HPF1: variants seen among roughly 807,000 people sequenced by gnomAD.
HPF1 encodes the protein UPF0609 protein C4orf27.
Under a neutral mutation model 38.8 loss-of-function variants are expected in HPF1, and 35 were observed. That is an observed-to-expected ratio of 0.90 (90% CI 0.69 to 1.19). The LOEUF (loss-of-function observed/expected upper bound fraction) is 1.19, where lower values mean the gene tolerates loss of function less well. Among genes scored for constraint, HPF1 ranks in the 50% most tolerant of loss-of-function variants. The probability of loss-of-function intolerance (pLI) is 0.00; values close to 1 mark genes in which losing one functional copy is unlikely to be tolerated. For missense variants in HPF1, 367 were observed against 405.8 expected, an observed-to-expected ratio of 0.90 and a Z score of 0.82; for synonymous variants, 115 against 139.2, an observed-to-expected ratio of 0.83 and a Z score of 1.22.
intron 5 of HPF1, among the ~76,000 whole-genome samples, chr4:169,738,699 G>C (rs1733928168): frequency 6.6e-6 from 1 of 152,144 alleles, no homozygotes; most frequent in South Asian, 2.1e-4. Context: ...AAAAAATGAA[G>C]TCATTGTCTT....
chr4:169,753,651 C>A lies in HPF1; in HGVS notation c.208+25G>T. The A allele has an allele frequency of 1.9e-6, 3 of 1,596,468 alleles. No individual in the cohort carries two copies. In the African/African-American group the frequency reaches 4.0e-5, roughly 21 times the overall value. ...TATTACATTACTCTTTCCATTAATA[C>A]AAGAATGATTCTGGAGCAACTCACC... On this transcript the variant is annotated intron_variant, in intron 2 of 7. Transcript: ENST00000393381.
intron 1 of HPF1, among the ~76,000 whole-genome samples, chr4:169,754,552 T>G (rs1441453325): frequency 6.6e-6 from 1 of 152,188 alleles, no homozygotes; most frequent in Non-Finnish European, 1.5e-5. Flanking sequence ...CTACTAGATA[T>G]TTGATAAATT....
At chr4:169,741,861 A>T (rs1733973428) in intron 5 of HPF1, 96 bp downstream of exon 5, 1 of 985,866 alleles carries the variant, frequency 1.0e-6, no homozygotes, top group South Asian at 1.6e-5. Context: ...TTAAGATAGG[A>T]CTAGGGAAGA....
chr4:169,744,904 A>C (rs1241759791), intron 4 of HPF1, among the ~76,000 whole-genome samples: 1 of 152,168 alleles, frequency 6.6e-6, no homozygotes, highest in East Asian at 1.9e-4. Context: ...AATGTCATCT[A>C]AAATGCTACA....
intron 6 of HPF1, among the ~76,000 whole-genome samples, chr4:169,735,134 A>T (rs927855227): frequency 2.0e-5 from 3 of 147,598 alleles, no homozygotes; most frequent in Admixed American, 2.0e-4. Flanking sequence ...TCTCAAAAAA[A>T]AAAAAAAAGA....
chr4:169,741,169 A>C (rs1408952616), intron 5 of HPF1, among the ~76,000 whole-genome samples: 1 of 152,222 alleles, frequency 6.6e-6, no homozygotes, highest in Non-Finnish European at 1.5e-5. Context: ...AAGGAACTGA[A>C]GTAGGATTTA....
At chr4:169,751,444 C>G (rs1223603342) in intron 2 of HPF1, among the ~76,000 whole-genome samples, 1 of 151,860 alleles carries the variant, frequency 6.6e-6, no homozygotes, top group Non-Finnish European at 1.5e-5. Context: ...TTTCTATCCC[C>G]TTTCCTCTAC....
chr4:169,734,692 G>A (rs1733871199), intron 6 of HPF1, among the ~76,000 whole-genome samples: 1 of 152,186 alleles, frequency 6.6e-6, no homozygotes, highest in Non-Finnish European at 1.5e-5. Flanking sequence ...TAATGAGTTA[G>A]GAGTTTCACT....
intron 3 of HPF1, among the ~76,000 whole-genome samples, chr4:169,749,078 C>T (rs1581321742): frequency 3.3e-5 from 5 of 150,984 alleles, no homozygotes; most frequent in Admixed American, 6.6e-5. Context: ...AAAGCAACAA[C>T]GTAGATGTAA....
chr4:169,751,290 C>A (rs1289531481), intron 2 of HPF1, among the ~76,000 whole-genome samples: 2 of 150,362 alleles, frequency 1.3e-5, no homozygotes, highest in East Asian at 3.9e-4. Flanking sequence ...GTAATCCCAG[C>A]TATTGGAGAG....
intron 4 of HPF1, among the ~76,000 whole-genome samples, chr4:169,743,131 T>A (rs1267935629): frequency 6.6e-6 from 1 of 151,160 alleles, no homozygotes; most frequent in African/African-American, 2.4e-5. Flanking sequence ...TTTTCCGAGA[T>A]GTTGTTTCAT....
At chr4:169,745,660 T>C (rs1190969469) in intron 4 of HPF1, among the ~76,000 whole-genome samples, 3 of 152,214 alleles carry the variant, frequency 2.0e-5, no homozygotes, top group Non-Finnish European at 2.9e-5. Flanking sequence ...ATCTAATACA[T>C]GTATACTCCA....
chr4:169,753,884 C>T lies in HPF1; in HGVS notation c.49-49G>A, dbSNP rs757667070. 3.5e-6 allele frequency: 5 copies of T among 1,447,908 alleles called. No homozygotes were observed. In the East Asian group the frequency reaches 6.8e-5, roughly 20 times the overall value. 89.7% of individuals were successfully genotyped at this position (1,447,908 alleles called of 1,614,324 possible). A position where few individuals can be genotyped will look rare whatever the true frequency, so the allele number is the denominator to read the frequency against. On this transcript the variant is annotated intron_variant, in intron 1 of 7. Transcript: ENST00000393381. ...AGTTCTCCAAATTTCAGTAACTCTC[C>T]TTGCATAACAGTATCTATCACTCTT...
At chr4:169,744,398 G>A (rs1191396056) in intron 4 of HPF1, among the ~76,000 whole-genome samples, 12 of 152,082 alleles carry the variant, frequency 7.9e-5, no homozygotes, top group East Asian at 1.9e-4. Flanking sequence ...TGTCTCTGCC[G>A]AAACCTACTC....
intron 1 of HPF1, among the ~76,000 whole-genome samples, chr4:169,756,399 C>G (rs1391733532): frequency 6.6e-6 from 1 of 152,206 alleles, no homozygotes; most frequent in Non-Finnish European, 1.5e-5. Flanking sequence ...AAGTCCTGAG[C>G]TATCCTATCT....
intron 4 of HPF1, among the ~76,000 whole-genome samples, chr4:169,745,387 TC>T (rs761680903): frequency 1.2e-4 from 18 of 152,112 alleles, no homozygotes; most frequent in South Asian, 2.1e-4. Flanking sequence ...GTCTTACTTG[TC>T]CCTGGTGGCT....
intron 6 of HPF1, chr4:169,732,137 ATTT>A (rs70964219): frequency 0.036 from 5,550 of 155,328 alleles, no homozygotes; most frequent in South Asian, 0.085. Context: ...TACAGTCACG[ATTT>A]TTTTTTTTTT....
chr4:169,753,584 C>A (rs1734146983), intron 2 of HPF1, 92 bp downstream of exon 2: 14 of 1,068,220 alleles, frequency 1.3e-5, no homozygotes, highest in Non-Finnish European at 1.7e-5. Flanking sequence ...CCTGCCTCAG[C>A]TGGGATTACA....
rs774617699 is a variant in HPF1, at chr4:169,748,456, C to T, written c.497+288G>A. ...CGCAATCTCGGCTCACTGCAACCTC[C>T]GCCTCCTGTGTTCAAGCAATTCTCC... On this transcript the variant is annotated intron_variant, in intron 4 of 7. Coordinates refer to ENST00000393381, the MANE Select transcript of HPF1 (RefSeq NM_017867.3). Among the ~76,000 whole-genome samples the T allele has an allele frequency of 2.6e-5, 4 of 152,074 alleles. No homozygotes were observed. In the South Asian group the frequency reaches 6.2e-4, roughly 24 times the overall value.
Sources: allele counts gnomAD v4.1 joint callset (sites outside exome capture counted in the v4.1 genomes callset), GRCh38; gene constraint gnomAD v4.1.1; transcripts MANE v1.5; gene names NCBI Gene and HGNC (gene_info 2026-07-23, HGNC 2026-07-21).